Variants in PTPRN2 observed in about 807,000 individuals in gnomAD.
PTPRN2 encodes receptor-type tyrosine-protein phosphatase N2.
A neutral mutation model predicts 118.8 loss-of-function variants in PTPRN2; 74 were observed. The observed-to-expected ratio is 0.62, with a 90% CI of 0.52 to 0.76. The LOEUF (loss-of-function observed/expected upper bound fraction) is 0.76. Ranked by LOEUF, PTPRN2 falls within the 30% of genes least tolerant of loss-of-function variation. The probability of loss-of-function intolerance (pLI) is 0.00; values close to 1 mark genes in which losing one functional copy is unlikely to be tolerated. For synonymous variants in PTPRN2, 641 were observed against 608.0 expected (o/e 1.05, Z -0.80); for missense variants, 1,481 against 1,394.4 (o/e 1.06, Z -0.99).
At chr7:158,193,905 C>CAA (rs56234740) in intron 4 of PTPRN2, among the ~76,000 whole-genome samples, 95 of 123,874 alleles carry the variant, frequency 7.7e-4, no homozygotes, top group South Asian at 6.7e-3. Flanking sequence ...GGCTCTGTCT[C>CAA]AAAAAAAAAA....
chr7:158,113,786 T>C lies in PTPRN2; in HGVS notation c.1557-2871A>G, dbSNP rs1042919456. On this transcript the variant is annotated intron_variant, in intron 9 of 22. Coordinates refer to ENST00000389418, the MANE Select transcript of PTPRN2 (RefSeq NM_002847.5). ...CTGATGGCGTCGACGCTACAAGCTG[T>C]TGTTGTGGCCACCAGGGACACAGCC... 9.8e-5 allele frequency among the ~76,000 whole-genome samples: 15 copies of C among 152,316 alleles called. 1 individual carries two copies. The highest frequency in any genetic ancestry group is 5.9e-4 in the Admixed American group (9 of 15,310).
Position 157,784,177 on chromosome 7 carries a change from C to T in PTPRN2, c.1789-101240G>A, listed in dbSNP as rs371688610. On this transcript the variant is annotated intron_variant, in intron 12 of 22. Transcript: ENST00000389418. This position sits in a 1 kb window ranked among gnomAD's most constrained non-coding sequence, Gnocchi z 4.6. ...GGGCACAGGCAGCTCAACGTTAGGC[C>T]AGGGACCAATCTTACCACGTGGCTT... 4.2e-3 allele frequency among the ~76,000 whole-genome samples: 634 copies of T among 152,206 alleles called. 6 individuals are homozygous for T. The highest frequency in any genetic ancestry group is 0.015 in the African/African-American group (614 of 41,528).
At chr7:157,998,068 G>C (rs1269543821) in intron 11 of PTPRN2, among the ~76,000 whole-genome samples, 2 of 89,566 alleles carry the variant, frequency 2.2e-5, no homozygotes, top group African/African-American at 4.5e-5. Context: ...AGTGCAGGGT[G>C]GGGGGAGAGG....
intron 12 of PTPRN2, among the ~76,000 whole-genome samples, chr7:157,723,888 G>T (rs1320828989): frequency 1.3e-5 from 2 of 152,210 alleles, no homozygotes. Flanking sequence ...TGCACACAAC[G>T]CTCAGAGCAG....
At chr7:158,336,855 C>T (rs28623760) in intron 2 of PTPRN2, among the ~76,000 whole-genome samples, 2,937 of 103,216 alleles carry the variant, frequency 0.028, 155 homozygotes, top group African/African-American at 0.094. Flanking sequence ...CACACTCTCA[C>T]CATAAGAGCT....
chr7:158,460,076 A>G (rs570922765), intron 2 of PTPRN2, among the ~76,000 whole-genome samples: 20 of 119,624 alleles, frequency 1.7e-4, no homozygotes, highest in Non-Finnish European at 2.5e-4. Context: ...GACTCTATCT[A>G]CAAGTTCCTG....
At chr7:158,039,621 C>G (rs1269145427) in intron 11 of PTPRN2, among the ~76,000 whole-genome samples, 1 of 152,334 alleles carries the variant, frequency 6.6e-6, no homozygotes, top group African/African-American at 2.4e-5. Context: ...CTCCAGCAAA[C>G]AGTAAACAGC....
At chr7:158,473,179 G>A (rs529583758) in intron 2 of PTPRN2, among the ~76,000 whole-genome samples, 2 of 152,224 alleles carry the variant, frequency 1.3e-5, no homozygotes, top group South Asian at 4.2e-4. Flanking sequence ...CAGCTTCACG[G>A]TCCCCAAGAT....
At chr7:158,071,711 C>CGTGGTGGTGGAGGTG (rs1811799802) in intron 11 of PTPRN2, among the ~76,000 whole-genome samples, 2 of 87,048 alleles carry the variant, frequency 2.3e-5, no homozygotes, top group Admixed American at 1.2e-4. Flanking sequence ...TGGAGGTGCT[C>CGTGGTGGTGGAGGTG]CTGGTGGTGG....
intron 10 of PTPRN2, among the ~76,000 whole-genome samples, chr7:158,097,896 A>T (rs1814770346): frequency 2.0e-5 from 3 of 152,164 alleles, no homozygotes. Flanking sequence ...CAGCTTGCGC[A>T]TCCTGTCCGC....
Position 158,171,216 on chromosome 7 carries a change from CA to C in PTPRN2, c.550-3926del, listed in dbSNP as rs1311223216. ...TACATATATATACACTATATATACA[CA>C]CATATATACACACATATATATACAC... On this transcript the variant is annotated intron_variant, in intron 5 of 22. Transcript: ENST00000389418. 2.2e-5 allele frequency among the ~76,000 whole-genome samples: 3 copies of C among 134,888 alleles called. No individual in the cohort carries two copies. The East Asian group carries it at 6.3e-4, about 28-fold the overall frequency. 88.5% of individuals were successfully genotyped at this position (134,888 alleles called of 152,430 possible).
intron 1 of PTPRN2, among the ~76,000 whole-genome samples, chr7:158,512,041 T>G (rs1823215068): frequency 6.6e-6 from 1 of 151,960 alleles, no homozygotes; most frequent in South Asian, 2.1e-4. Flanking sequence ...TTTATGCAAG[T>G]TTAACAAAAA....
intron 3 of PTPRN2, among the ~76,000 whole-genome samples, chr7:158,252,220 C>T (rs1796730198): frequency 2.0e-5 from 3 of 152,214 alleles, no homozygotes; most frequent in Admixed American, 6.5e-5. Flanking sequence ...GGCCTGACAA[C>T]TCTGCCTCGT....
Position 158,523,693 on chromosome 7 carries a change from T to TGGAGC in PTPRN2, c.113-33909_113-33908insGCTCC, listed in dbSNP as rs1824471841. On this transcript the variant is annotated intron_variant, in intron 1 of 22. Coordinates refer to ENST00000389418, the MANE Select transcript of PTPRN2 (RefSeq NM_002847.5). The stretch of plus-strand genomic sequence containing the variant: ...TGCCCTGGAGCGGAGTCGTCTGCCC[T>TGGAGC]GGAGTGGAGTCGTCTGCCCTGGAGT... Among the ~76,000 whole-genome samples, 19 of 142,982 alleles carry TGGAGC rather than the reference T, an allele frequency of 1.3e-4. 2 individuals carry two copies. The highest frequency in any genetic ancestry group is 4.3e-4 in the East Asian group (2 of 4,618). 93.8% of individuals were successfully genotyped at this position (142,982 alleles called of 152,430 possible).
intron 1 of PTPRN2, among the ~76,000 whole-genome samples, chr7:158,491,684 T>C (rs909028351): frequency 6.6e-6 from 1 of 152,076 alleles, no homozygotes; most frequent in African/African-American, 2.4e-5. Flanking sequence ...GAGACGGGAT[T>C]TCACCATGTT....
At chr7:158,238,504 C>T (rs1056710663) in intron 3 of PTPRN2, among the ~76,000 whole-genome samples, 6 of 152,210 alleles carry the variant, frequency 3.9e-5, no homozygotes, top group Non-Finnish European at 5.9e-5. Context: ...AATCCAGCCA[C>T]ATTCACGGTT....
chr7:158,147,378 C>T (rs1238932711), intron 6 of PTPRN2, among the ~76,000 whole-genome samples: 1 of 56,748 alleles, frequency 1.8e-5, no homozygotes, highest in Non-Finnish European at 3.2e-5. Flanking sequence ...CTCAATGACA[C>T]CCCATCTCAC....
At position 158,249,980 on chromosome 7, in the gene PTPRN2, A is replaced by T. The variant is rs181641078; in HGVS notation, c.278-44707T>A. Among the ~76,000 whole-genome samples, 9 of 152,240 alleles carry T rather than the reference A, an allele frequency of 5.9e-5. 1 individual carries two copies. Among genetic ancestry groups the T allele is most frequent in the Admixed American group, 5.9e-4 (9 of 15,272 alleles). ...GTGTTGGATGCACGACACACACACGAGTTTCCCACACTGGACACTCAGTGG... is the reference window on the plus strand; with the variant it reads ...GTGTTGGATGCACGACACACACACGTGTTTCCCACACTGGACACTCAGTGG... On this transcript the variant is annotated intron_variant, in intron 3 of 22. Transcript: ENST00000389418.
chr7:158,186,014 C>T (rs1825100001), intron 5 of PTPRN2, among the ~76,000 whole-genome samples: 2 of 86,052 alleles, frequency 2.3e-5, no homozygotes. Context: ...TTCTCCCAGC[C>T]CTCTCCCTCC....
Sources: gnomAD v4.1 joint callset for allele counts (sites outside exome capture counted in the v4.1 genomes callset) on GRCh38, gnomAD v4.1.1 for gene constraint, Gnocchi (gnomAD v3.1) non-coding constraint, MANE v1.5 for transcripts, NCBI Gene and HGNC (gene_info 2026-07-23, HGNC 2026-07-21) for gene names.